The following HTR2C variants were observed in gnomAD, a reference collection of about 807,000 sequenced individuals.
The protein encoded by HTR2C is 5-hydroxytryptamine receptor 2C, also known as 5-hydroxytryptamine (serotonin) receptor 2C, G protein-coupled.
HTR2C carries 5 observed loss-of-function variants against 21.0 expected under a neutral mutation model. The observed-to-expected ratio is 0.24, with a 90% CI of 0.12 to 0.50. The LOEUF is 0.50. Ranked by LOEUF, HTR2C falls within the 20% of genes least tolerant of loss-of-function variation. The pLI, the probability that HTR2C is intolerant of heterozygous loss-of-function variation, is 0.98. For synonymous variants in HTR2C, 150 were observed against 145.3 expected, an observed-to-expected ratio of 1.03 and a Z score of -0.23; for missense variants, 271 against 371.2, an observed-to-expected ratio of 0.73 and a Z score of 2.22.
intron 4 of HTR2C, among the ~76,000 whole-genome samples, chrX:114,842,991 A>G (rs971997854): frequency 9.8e-5 from 11 of 112,111 alleles, no homozygotes; most frequent in Admixed American, 1.9e-4. Flanking sequence ...CAACTTCAGG[A>G]AGGGAAGAAA....
chrX:114,833,463 G>T (rs1299922871), intron 4 of HTR2C, among the ~76,000 whole-genome samples: 10 of 111,293 alleles, frequency 9.0e-5, no homozygotes, highest in East Asian at 2.8e-4. Context: ...ATCCATTTCT[G>T]CTAGATTTTC....
At chrX:114,857,029 TC>T (rs1210691050) in intron 5 of HTR2C, among the ~76,000 whole-genome samples, 4 of 111,725 alleles carry the variant, frequency 3.6e-5, no homozygotes, top group African/African-American at 6.5e-5. Context: ...AAACTAAGTT[TC>T]CGGTGCTAGC....
intron 4 of HTR2C, among the ~76,000 whole-genome samples, chrX:114,833,776 C>A (rs1191912182): frequency 9.0e-6 from 1 of 111,049 alleles, no homozygotes; most frequent in African/African-American, 3.3e-5. Context: ...TTTTCTAGTT[C>A]TTTCAATTGT....
chrX:114,728,859 G>T (rs1296308864), intron 3 of HTR2C, among the ~76,000 whole-genome samples: 1 of 111,831 alleles, frequency 8.9e-6, no homozygotes, highest in African/African-American at 3.2e-5. Flanking sequence ...ACATATGAAT[G>T]AATTTCGATG....
At chrX:114,726,550 T>C (rs1556422119) in intron 2 of HTR2C, among the ~76,000 whole-genome samples, 1 of 112,409 alleles carries the variant, frequency 8.9e-6, no homozygotes, top group East Asian at 2.8e-4. Context: ...TTGAAGAATA[T>C]ATTCTTAATT....
chrX:114,788,101 T>C (rs1391625898), intron 4 of HTR2C, among the ~76,000 whole-genome samples: 1 of 111,073 alleles, frequency 9.0e-6, no homozygotes, highest in Non-Finnish European at 1.9e-5. Flanking sequence ...TTTTACCCAA[T>C]AGTATTAATT....
At chrX:114,688,770 G>A (rs1932007644) in intron 2 of HTR2C, among the ~76,000 whole-genome samples, 1 of 111,213 alleles carries the variant, frequency 9.0e-6, no homozygotes, top group Admixed American at 9.6e-5. Flanking sequence ...GGCTGGCCAG[G>A]GCCTAGCATT....
At chrX:114,783,705 T>C in intron 4 of HTR2C, among the ~76,000 whole-genome samples, 1 of 111,865 alleles carries the variant, frequency 8.9e-6, no homozygotes. Flanking sequence ...AAAGTTTCAA[T>C]AAAATTAATG....
chrX:114,820,995 T>G (rs782214032), intron 4 of HTR2C, among the ~76,000 whole-genome samples: 14 of 111,799 alleles, frequency 1.3e-4, no homozygotes, highest in African/African-American at 4.6e-4. Flanking sequence ...ACTGTTTGAA[T>G]AGAGAATCAA....
At position 114,885,014 on chromosome X, in the gene HTR2C, G is replaced by A. The variant is rs782155216; in HGVS notation, c.551-21575G>A. On this transcript the variant is annotated intron_variant, in intron 5 of 5. Coordinates refer to ENST00000276198, the MANE Select transcript of HTR2C (RefSeq NM_000868.4). ...TTTAGAAGAATGTAACAGACACTGG[G>A]CCCTAACCAGAGGAGGGAGGGTGGG... is the stretch of plus-strand genomic sequence containing the variant. 2.9e-3 allele frequency among the ~76,000 whole-genome samples: 315 copies of A among 110,122 alleles called. 2 individuals carry two copies. Among genetic ancestry groups the A allele is most frequent in the Middle Eastern group, 0.023 (5 of 213 alleles).
intron 4 of HTR2C, among the ~76,000 whole-genome samples, chrX:114,826,226 A>G (rs1418189688): frequency 9.1e-6 from 1 of 109,911 alleles, no homozygotes; most frequent in East Asian, 2.9e-4. Flanking sequence ...GTATGCCACG[A>G]TGCCGGGCTA....
chrX:114,719,342 T>C (rs1280999939), intron 2 of HTR2C, among the ~76,000 whole-genome samples: 3 of 111,290 alleles, frequency 2.7e-5, no homozygotes, highest in South Asian at 3.7e-4. Context: ...GTTTCTGTTA[T>C]TGATTGATCT....
At chrX:114,661,060 C>T (rs1381589202) in intron 2 of HTR2C, among the ~76,000 whole-genome samples, 1 of 112,494 alleles carries the variant, frequency 8.9e-6, no homozygotes, top group African/African-American at 3.2e-5. Context: ...ACTCATGTCT[C>T]CCTAACTTTG....
At chrX:114,642,986 A>G (rs782119746) in intron 2 of HTR2C, among the ~76,000 whole-genome samples, 3 of 111,281 alleles carry the variant, frequency 2.7e-5, no homozygotes, top group Non-Finnish European at 5.7e-5. Flanking sequence ...AAAAAAATTC[A>G]ACAATGAATT....
intron 2 of HTR2C, among the ~76,000 whole-genome samples, chrX:114,706,451 T>C (rs1188391354): frequency 1.1e-4 from 4 of 35,342 alleles, no homozygotes; most frequent in East Asian, 8.8e-3. Flanking sequence ...GGTAAACTAT[T>C]GCAAGGAAAA....
chrX:114,759,694 T>C (rs782757653), intron 4 of HTR2C, among the ~76,000 whole-genome samples: 4 of 111,396 alleles, frequency 3.6e-5, no homozygotes, highest in African/African-American at 1.3e-4. Context: ...CTCCTTGAGT[T>C]GTTTTTTTGG....
At chrX:114,719,123 C>T (rs1438377585) in intron 2 of HTR2C, among the ~76,000 whole-genome samples, 2 of 106,792 alleles carry the variant, frequency 1.9e-5, no homozygotes, top group Middle Eastern at 5.2e-3. Context: ...TATAAAATCT[C>T]ATTAAAAATT....
intron 4 of HTR2C, among the ~76,000 whole-genome samples, chrX:114,842,007 G>A (rs1232848571): frequency 8.9e-6 from 1 of 111,939 alleles, no homozygotes; most frequent in East Asian, 2.8e-4. Context: ...TATATGAGGA[G>A]GAACTTTATT....
chrX:114,722,524 C>T (rs182047565), intron 2 of HTR2C, among the ~76,000 whole-genome samples: 128 of 110,798 alleles, frequency 1.2e-3, no homozygotes, highest in African/African-American at 3.5e-3. Flanking sequence ...CCTGCCTGAT[C>T]GCCCTGGCCA....
Sources: gnomAD v4.1 joint callset for allele counts (sites outside exome capture counted in the v4.1 genomes callset) on GRCh38, gnomAD v4.1.1 for gene constraint, MANE v1.5 for transcripts, NCBI Gene and HGNC (gene_info 2026-07-23, HGNC 2026-07-21) for gene names.